The following PTPRD variants were observed in gnomAD, a reference collection of about 807,000 sequenced individuals.
The protein encoded by PTPRD is protein tyrosine phosphatase receptor type D.
PTPRD carries 34 observed loss-of-function variants against 214.5 expected under a neutral mutation model. The ratio of observed to expected loss-of-function variants is 0.16; its 90% CI spans 0.12 to 0.21. The LOEUF is 0.21. Among genes scored for constraint, PTPRD ranks in the 10% least tolerant of loss-of-function variants. The probability of loss-of-function intolerance (pLI) is 1.00; values close to 1 mark genes in which losing one functional copy is unlikely to be tolerated. For missense variants in PTPRD, 2,545 were observed against 2,398.7 expected, an observed-to-expected ratio of 1.06 and a Z score of -1.27; for synonymous variants, 1,128 against 845.7, an observed-to-expected ratio of 1.33 and a Z score of -5.79.
intron 9 of PTPRD, among the ~76,000 whole-genome samples, chr9:9,309,124 C>T (rs554330865): frequency 6.6e-6 from 1 of 151,682 alleles, no homozygotes; most frequent in African/African-American, 2.4e-5. Flanking sequence ...TTTCCTCCTT[C>T]AAAAAAGATA....
At position 8,640,678 on chromosome 9, in the gene PTPRD, C is replaced by G. The variant is rs2096556604; in HGVS notation, c.65-3834G>C. Among the ~76,000 whole-genome samples the G allele has an allele frequency of 5.9e-5, 8 of 135,032 alleles. No individual in the cohort carries two copies. In the Admixed American group the frequency reaches 6.0e-4, roughly 10 times the overall value. The allele number at this position is 135,032 out of a possible 152,430, so 88.6% of individuals were successfully genotyped here. On this transcript the variant is annotated intron_variant, in intron 12 of 45. Coordinates refer to ENST00000381196, the MANE Select transcript of PTPRD (RefSeq NM_002839.4). ...TTTCAGGGGCTTTTACAGAGAAATTCTGTAAAAAAAAAAAAAAAATACATA... is the reference window on the plus strand; with the variant it reads ...TTTCAGGGGCTTTTACAGAGAAATTGTGTAAAAAAAAAAAAAAAATACATA...
At chr9:9,381,320 C>T (rs540264790) in intron 9 of PTPRD, among the ~76,000 whole-genome samples, 57 of 149,916 alleles carry the variant, frequency 3.8e-4, no homozygotes, top group African/African-American at 1.1e-3. Flanking sequence ...TACATTTATA[C>T]GATTCAATTT....
At chr9:10,242,617 T>A (rs2154363477) in intron 3 of PTPRD, among the ~76,000 whole-genome samples, 1 of 151,244 alleles carries the variant, frequency 6.6e-6, no homozygotes, top group South Asian at 2.1e-4. Context: ...ACATTTTTTT[T>A]TTTTTGCATT....
chr9:10,141,611 C>G (rs887726025), intron 3 of PTPRD, among the ~76,000 whole-genome samples: 1 of 151,988 alleles, frequency 6.6e-6, no homozygotes, highest in East Asian at 1.9e-4. Context: ...AGGATACAAA[C>G]AAATGGAAGA....
intron 8 of PTPRD, among the ~76,000 whole-genome samples, chr9:9,431,944 C>A (rs1402925638): frequency 6.7e-6 from 1 of 150,310 alleles, no homozygotes. Flanking sequence ...AGAAGATATA[C>A]CTAATGTAAA....
Position 10,591,960 on chromosome 9 carries a change from A to T in PTPRD, c.-600+20438T>A, listed in dbSNP as rs1312893395. ...CCTGACAATTTGATTGCAGCCTTGT[A>T]AGAGATTCTGAGCTAGAATCACACA... On this transcript the variant is annotated intron_variant, in intron 2 of 45. Transcript: ENST00000381196. Among the ~76,000 whole-genome samples, 31 of 152,136 alleles carry T rather than the reference A, an allele frequency of 2.0e-4. 1 individual carries two copies. Among genetic ancestry groups the T allele is most frequent in the Admixed American group, 2.0e-3 (31 of 15,264 alleles).
chr9:9,551,606 C>T (rs1418547138), intron 8 of PTPRD, among the ~76,000 whole-genome samples: 1 of 151,938 alleles, frequency 6.6e-6, no homozygotes, highest in Admixed American at 6.6e-5. Flanking sequence ...TAATGTTTGG[C>T]TCCTATATGG....
chr9:9,448,497 G>A (rs2091178917), intron 8 of PTPRD, among the ~76,000 whole-genome samples: 1 of 152,120 alleles, frequency 6.6e-6, no homozygotes, highest in East Asian at 1.9e-4. Flanking sequence ...TGCTTCCAAT[G>A]CTGCTATGAT....
At chr9:10,599,389 T>C (rs1051902646) in intron 2 of PTPRD, among the ~76,000 whole-genome samples, 2 of 151,822 alleles carry the variant, frequency 1.3e-5, no homozygotes, top group African/African-American at 4.8e-5. Flanking sequence ...AGTCTTTAAC[T>C]TATACAACAA....
At chr9:9,401,265 C>G (rs2070331373) in intron 8 of PTPRD, among the ~76,000 whole-genome samples, 1 of 152,022 alleles carries the variant, frequency 6.6e-6, no homozygotes, top group Non-Finnish European at 1.5e-5. Context: ...ATCTCTGTCT[C>G]TATTACACAC....
intron 8 of PTPRD, among the ~76,000 whole-genome samples, chr9:9,411,371 G>C (rs547724331): frequency 6.6e-6 from 1 of 150,430 alleles, no homozygotes; most frequent in Non-Finnish European, 1.5e-5. Context: ...TCCTAAGCTA[G>C]CAAACTATGT....
At chr9:8,640,383 T>C (rs866319520) in intron 12 of PTPRD, among the ~76,000 whole-genome samples, 7 of 151,946 alleles carry the variant, frequency 4.6e-5, no homozygotes, top group South Asian at 2.1e-4. Flanking sequence ...GAAAAAGAAA[T>C]GACCATTGGA....
intron 8 of PTPRD, among the ~76,000 whole-genome samples, chr9:9,522,038 T>C (rs1012104627): frequency 2.6e-5 from 4 of 151,644 alleles, no homozygotes; most frequent in Admixed American, 2.6e-4. Flanking sequence ...ACGCCTGTAA[T>C]GCCAGCTACT....
chr9:8,877,119 G>T (rs1010000158), intron 11 of PTPRD, among the ~76,000 whole-genome samples: 5 of 152,034 alleles, frequency 3.3e-5, no homozygotes, highest in African/African-American at 4.8e-5. Context: ...TAGAGATGGG[G>T]TTTCGCTATG....
chr9:10,405,973 G>A (rs2098349751), intron 2 of PTPRD, among the ~76,000 whole-genome samples: 1 of 151,306 alleles, frequency 6.6e-6, no homozygotes, highest in Non-Finnish European at 1.5e-5. Flanking sequence ...ATATTATTAT[G>A]TGAATGTTAT....
At chr9:9,406,294 G>A (rs568320398) in intron 8 of PTPRD, among the ~76,000 whole-genome samples, 2 of 152,000 alleles carry the variant, frequency 1.3e-5, no homozygotes, top group African/African-American at 4.8e-5. Flanking sequence ...TTTTGTCTCT[G>A]TCTTTCACTC....
intron 9 of PTPRD, among the ~76,000 whole-genome samples, chr9:9,360,894 T>A (rs1322584604): frequency 6.6e-6 from 1 of 151,046 alleles, no homozygotes; most frequent in Non-Finnish European, 1.5e-5. Context: ...GAAATATAGC[T>A]TAAGGCAAAG....
intron 5 of PTPRD, among the ~76,000 whole-genome samples, chr9:9,936,648 A>C (rs961351803): frequency 4.5e-5 from 6 of 132,554 alleles, no homozygotes; most frequent in South Asian, 2.5e-4. Flanking sequence ...TAGTTCAACC[A>C]TTGTGGAAGT....
intron 9 of PTPRD, among the ~76,000 whole-genome samples, chr9:9,300,878 T>A (rs1034332493): frequency 9.9e-5 from 15 of 151,914 alleles, no homozygotes; most frequent in African/African-American, 3.4e-4. Flanking sequence ...CTTGCTTTAA[T>A]CTTTTACGCA....
Sources: allele counts gnomAD v4.1 joint callset (sites outside exome capture counted in the v4.1 genomes callset), GRCh38; gene constraint gnomAD v4.1.1; transcripts MANE v1.5; gene names NCBI Gene and HGNC (gene_info 2026-07-23, HGNC 2026-07-21).